Variants in ARHGAP10 observed in about 807,000 individuals in gnomAD.
ARHGAP10 encodes the protein Rho GTPase activating protein 10.
Under a neutral mutation model 108.6 loss-of-function variants are expected in ARHGAP10, and 87 were observed. That is an observed-to-expected ratio of 0.80 (90% CI 0.67 to 0.96). The LOEUF is 0.96. Ranked by LOEUF, ARHGAP10 falls within the 40% of genes least tolerant of loss-of-function variation. The pLI is 0.00. For synonymous variants in ARHGAP10, 347 were observed against 341.1 expected (o/e 1.02, Z -0.19); for missense variants, 939 against 954.5 (o/e 0.98, Z 0.21).
chr4:147,868,480 C>T (rs937426112), intron 7 of ARHGAP10, among the ~76,000 whole-genome samples: 6 of 152,188 alleles, frequency 3.9e-5, no homozygotes, highest in Non-Finnish European at 7.3e-5. Context: ...AAGTGATCCT[C>T]CTTCCTCAGC....
chr4:147,841,287 T>G (rs550834648), intron 3 of ARHGAP10, among the ~76,000 whole-genome samples: 28 of 152,386 alleles, frequency 1.8e-4, no homozygotes, highest in Middle Eastern at 3.4e-3. Flanking sequence ...TTGCGACTTC[T>G]TTTCTTGGCT....
At chr4:147,926,256 A>G (rs1737456878) in intron 13 of ARHGAP10, among the ~76,000 whole-genome samples, 1 of 152,162 alleles carries the variant, frequency 6.6e-6, no homozygotes, top group Admixed American at 6.5e-5. Flanking sequence ...TGGTGGGAAT[A>G]GAATGGGGGT....
At chr4:148,008,778 A>T (rs1233242626) in intron 18 of ARHGAP10, among the ~76,000 whole-genome samples, 1 of 152,044 alleles carries the variant, frequency 6.6e-6, no homozygotes, top group Non-Finnish European at 1.5e-5. Context: ...TTTTTCTGAT[A>T]ATTGCCCTTT....
At chr4:147,938,040 A>G (rs756526626) in intron 13 of ARHGAP10, among the ~76,000 whole-genome samples, 1 of 152,196 alleles carries the variant, frequency 6.6e-6, no homozygotes, top group Non-Finnish European at 1.5e-5. Flanking sequence ...CTAAAAAGGA[A>G]CGAGGATCAT....
intron 18 of ARHGAP10, among the ~76,000 whole-genome samples, chr4:148,015,958 A>G (rs1232746799): frequency 6.6e-6 from 1 of 152,184 alleles, no homozygotes; most frequent in Non-Finnish European, 1.5e-5. Flanking sequence ...AGCACAGAGG[A>G]CACACTGTGA....
At chr4:147,993,859 G>T (rs1377260607) in intron 18 of ARHGAP10, among the ~76,000 whole-genome samples, 1 of 152,198 alleles carries the variant, frequency 6.6e-6, no homozygotes, top group Non-Finnish European at 1.5e-5. Flanking sequence ...GAGAGGGTAG[G>T]CATTAAAGGC....
intron 3 of ARHGAP10, among the ~76,000 whole-genome samples, chr4:147,844,901 C>T (rs1049571990): frequency 1.3e-5 from 2 of 152,166 alleles, no homozygotes; most frequent in Admixed American, 6.5e-5. Flanking sequence ...ATCATTCTGT[C>T]AATTCACTGC....
intron 1 of ARHGAP10, among the ~76,000 whole-genome samples, chr4:147,798,709 T>G (rs1731415073): frequency 7.0e-6 from 1 of 142,350 alleles, no homozygotes; most frequent in African/African-American, 2.8e-5. Flanking sequence ...TTACGTGAGG[T>G]CAGGAGTTTG....
chr4:148,033,671 A>C (rs1474842826), intron 19 of ARHGAP10, among the ~76,000 whole-genome samples: 1 of 152,238 alleles, frequency 6.6e-6, no homozygotes, highest in Non-Finnish European at 1.5e-5. Context: ...ACTCCGAAGC[A>C]AGCTGTGTTT....
At chr4:147,932,421 C>A (rs534075746) in intron 13 of ARHGAP10, among the ~76,000 whole-genome samples, 2 of 152,124 alleles carry the variant, frequency 1.3e-5, no homozygotes, top group Non-Finnish European at 2.9e-5. Context: ...CAATGATAGA[C>A]TGGATAAAGA....
chr4:148,044,946 A>G (rs139021161), intron 19 of ARHGAP10, among the ~76,000 whole-genome samples: 62 of 152,272 alleles, frequency 4.1e-4, no homozygotes, highest in African/African-American at 1.3e-3. Flanking sequence ...GCTGTGGAAA[A>G]AGTGGCTTCA....
At chr4:147,757,447 C>T (rs962299932) in intron 1 of ARHGAP10, among the ~76,000 whole-genome samples, 11 of 152,120 alleles carry the variant, frequency 7.2e-5, no homozygotes, top group African/African-American at 2.7e-4. Context: ...CTGCCCGCCT[C>T]GGCCTTCCAA....
chr4:147,902,200 A>AT (rs1736278916), intron 10 of ARHGAP10, among the ~76,000 whole-genome samples: 1 of 151,986 alleles, frequency 6.6e-6, no homozygotes, highest in Non-Finnish European at 1.5e-5. Flanking sequence ...CATTTTTGCC[A>AT]TTTTGTATCA....
intron 18 of ARHGAP10, among the ~76,000 whole-genome samples, chr4:147,976,422 A>G (rs749974661): frequency 9.9e-5 from 15 of 152,238 alleles, no homozygotes; most frequent in Non-Finnish European, 1.6e-4. Flanking sequence ...TGTTCAGTGT[A>G]GAAGTCAAAA....
intron 18 of ARHGAP10, among the ~76,000 whole-genome samples, chr4:147,976,554 T>TC (rs1012521017): frequency 6.6e-6 from 1 of 151,894 alleles, no homozygotes; most frequent in Non-Finnish European, 1.5e-5. Context: ...TTTTTTTTTT[T>TC]TTCTTCTTCT....
At chr4:147,993,926 A>G (rs1740375403) in intron 18 of ARHGAP10, among the ~76,000 whole-genome samples, 1 of 152,260 alleles carries the variant, frequency 6.6e-6, no homozygotes, top group Non-Finnish European at 1.5e-5. Context: ...CAAACCGTGA[A>G]TCAACAGCCA....
intron 9 of ARHGAP10, among the ~76,000 whole-genome samples, chr4:147,880,318 A>G (rs774538727): frequency 1.4e-4 from 21 of 152,352 alleles, no homozygotes; most frequent in Non-Finnish European, 1.8e-4. Flanking sequence ...TACTTGTACT[A>G]TGCCTTTCCC....
At chr4:147,966,883 C>T (rs1178817456) in intron 18 of ARHGAP10, 44 bp downstream of exon 18, 12 of 1,477,238 alleles carry the variant, frequency 8.1e-6, no homozygotes, top group East Asian at 6.9e-5. Flanking sequence ...TTCGGCTTGT[C>T]GCCATGTACT....
At chr4:147,755,883 C>T (rs1383974369) in intron 1 of ARHGAP10, among the ~76,000 whole-genome samples, 1 of 151,992 alleles carries the variant, frequency 6.6e-6, no homozygotes, top group East Asian at 1.9e-4. Context: ...TATTATTTCA[C>T]ATATGTGTTG....
Sources: allele counts gnomAD v4.1 joint callset (sites outside exome capture counted in the v4.1 genomes callset), GRCh38; gene constraint gnomAD v4.1.1; transcripts MANE v1.5; gene names NCBI Gene and HGNC (gene_info 2026-07-23, HGNC 2026-07-21).